RBM38: variants seen among roughly 807,000 people sequenced by gnomAD.
The protein encoded by RBM38 is RNA-binding protein 38.
RBM38 carries 11 observed loss-of-function variants against 23.5 expected under a neutral mutation model. The ratio of observed to expected loss-of-function variants is 0.47; its 90% CI spans 0.29 to 0.77. The LOEUF (loss-of-function observed/expected upper bound fraction) is 0.77. Ranked by LOEUF, RBM38 falls within the 30% of genes least tolerant of loss-of-function variation. The probability of loss-of-function intolerance (pLI) is 0.08; values close to 1 mark genes in which losing one functional copy is unlikely to be tolerated. For synonymous variants in RBM38, 165 were observed against 166.1 expected, an observed-to-expected ratio of 0.99 and a Z score of 0.05; for missense variants, 330 against 351.9, an observed-to-expected ratio of 0.94 and a Z score of 0.50.
intron 2 of RBM38, 28 bp from the exon 3 acceptor site, chr20:57,393,251 C>G (rs2067239572): frequency 6.2e-7 from 1 of 1,612,012 alleles, no homozygotes; most frequent in Non-Finnish European, 8.5e-7. Flanking sequence ...GCAGCAAGGC[C>G]AAGTCCCTGA....
In RBM38 at chr20:57,408,739, A is replaced by C. The variant is rs1176660076; in HGVS notation, c.*893A>C. Reference sequence around the variant, plus strand: ...GAGGCCCCTCAGGCCCGTGCGGGCCACTGTCTGCTGCCGCCTGCCGGGGTG... The same window carrying C: ...GAGGCCCCTCAGGCCCGTGCGGGCCCCTGTCTGCTGCCGCCTGCCGGGGTG... On this transcript the variant is annotated 3_prime_UTR_variant, in exon 4 of 4. Coordinates refer to ENST00000356208, the MANE Select transcript of RBM38 (RefSeq NM_017495.6). The C allele has an allele frequency of 1.3e-5, 2 of 152,158 alleles. No individual in the cohort carries two copies. The highest frequency in any genetic ancestry group is 3.9e-4 in the East Asian group (2 of 5,170). 9.4% of individuals were successfully genotyped at this position (152,158 alleles called of 1,614,324 possible).
In RBM38 at chr20:57,407,292, G is replaced by T. The variant is rs1457785972; in HGVS notation, c.417-251G>T. Among the ~76,000 whole-genome samples the T allele has an allele frequency of 2.0e-5, 3 of 152,214 alleles. No individual in the cohort carries two copies. The highest frequency in any genetic ancestry group is 4.8e-5 in the African/African-American group (2 of 41,466). ...TGGGGTGTAGGGCTGGGATGCGGGG[G>T]TGCAGTCTGGGAAGGCCTTGCTGAG... is the stretch of plus-strand genomic sequence containing the variant. On this transcript the variant is annotated intron_variant, in intron 3 of 3. Coordinates refer to ENST00000356208, the MANE Select transcript of RBM38 (RefSeq NM_017495.6). The surrounding 1 kb of genome is among the most constrained non-coding windows in gnomAD (Gnocchi z 4.0).
At chr20:57,403,009 T>C (rs1454432859) in intron 3 of RBM38, among the ~76,000 whole-genome samples, 3 of 152,234 alleles carry the variant, frequency 2.0e-5, no homozygotes, top group Non-Finnish European at 4.4e-5. Context: ...TCGTTCTTTG[T>C]TGTGGGGGCA....
intron 3 of RBM38, among the ~76,000 whole-genome samples, chr20:57,397,886 C>T (rs765983527): frequency 2.0e-5 from 3 of 152,270 alleles, no homozygotes; most frequent in African/African-American, 4.8e-5. Context: ...AGGAAGCTGG[C>T]GGAATGAGTG....
intron 3 of RBM38, among the ~76,000 whole-genome samples, chr20:57,405,502 C>T (rs901963320): frequency 2.0e-5 from 3 of 152,190 alleles, no homozygotes; most frequent in East Asian, 1.9e-4. Flanking sequence ...GAGGGTTGGC[C>T]GTGTGGGCTG....
At chr20:57,406,969 G>A (rs2067391229) in intron 3 of RBM38, among the ~76,000 whole-genome samples, 1 of 151,316 alleles carries the variant, frequency 6.6e-6, no homozygotes, top group African/African-American at 2.4e-5. Context: ...ACTCCAGCCT[G>A]GGGAACAGAG....
chr20:57,391,848 C>T (rs117963839), intron 1 of RBM38, 30 bp downstream of exon 1: 259,318 of 1,484,594 alleles, frequency 0.17, 24,184 homozygotes, highest in Middle Eastern at 0.2. Flanking sequence ...GGGCCCGCAC[C>T]CCGCCGCACA....
chr20:57,398,242 G>C (rs1438717375), intron 3 of RBM38, among the ~76,000 whole-genome samples: 1 of 137,222 alleles, frequency 7.3e-6, no homozygotes, highest in Non-Finnish European at 1.5e-5. Flanking sequence ...CTGTTTGCAG[G>C]TGATGGCGTG....
chr20:57,395,891 C>G (rs1321422745), intron 3 of RBM38, among the ~76,000 whole-genome samples: 2 of 152,212 alleles, frequency 1.3e-5, no homozygotes, highest in African/African-American at 4.8e-5. Flanking sequence ...CTGGCAGCGA[C>G]TTGCTGTTGG....
intron 3 of RBM38, among the ~76,000 whole-genome samples, chr20:57,396,821 T>C (rs1270946867): frequency 6.6e-6 from 1 of 152,164 alleles, no homozygotes; most frequent in Non-Finnish European, 1.5e-5. Context: ...GGTCACAAGA[T>C]GACTGCCACG....
intron 3 of RBM38, among the ~76,000 whole-genome samples, chr20:57,393,820 A>G (rs939769503): frequency 6.6e-6 from 1 of 152,178 alleles, no homozygotes; most frequent in African/African-American, 2.4e-5. Context: ...ACGTTGCTGT[A>G]GATACGATGT....
rs768408335 is a variant in RBM38, at chr20:57,408,263, G to A, written c.*417G>A. ...CTGTGCAGAGATGCCTGACTCCAGG[G>A]AAACCTGAAAGCAAGAAGTTAATGG... On this transcript the variant is annotated 3_prime_UTR_variant, in exon 4 of 4. Coordinates refer to ENST00000356208, the MANE Select transcript of RBM38 (RefSeq NM_017495.6). The A allele has an allele frequency of 1.3e-5, 3 of 239,828 alleles. No individual in the cohort carries two copies. The highest frequency in any genetic ancestry group is 2.2e-5 in the African/African-American group (1 of 45,596). 14.9% of individuals were successfully genotyped at this position (239,828 alleles called of 1,614,324 possible).
In RBM38 at chr20:57,391,439, G is replaced by GGCGCGCACGGCGGGAGCGGCGCAGC. The variant is rs1252432992; in HGVS notation, c.-143_-142insGCGCGCACGGCGGGAGCGGCGCAGC. ...CGGTCGGGAGCGCAGCGCGGCGCAC[G>GGCGCGCACGGCGGGAGCGGCGCAGC]TCGGCGCGCACGGCGGGACGGGCGC... On this transcript the variant is annotated 5_prime_UTR_variant, in exon 1 of 4. Transcript: ENST00000356208. 2.0e-5 allele frequency: 3 copies of GGCGCGCACGGCGGGAGCGGCGCAGC among 150,232 alleles called. No individual in the cohort carries two copies. The highest frequency in any genetic ancestry group is 7.3e-5 in the African/African-American group (3 of 40,890). 9.3% of individuals were successfully genotyped at this position (150,232 alleles called of 1,614,324 possible).
intron 3 of RBM38, among the ~76,000 whole-genome samples, chr20:57,402,365 C>G (rs2067337371): frequency 2.0e-5 from 3 of 152,142 alleles, no homozygotes; most frequent in African/African-American, 4.8e-5. Context: ...GAGGGAGGAT[C>G]GGAGAATTGA....
intron 3 of RBM38, chr20:57,399,989 G>A (rs1354142424): frequency 4.4e-6 from 2 of 456,172 alleles, no homozygotes; most frequent in Admixed American, 2.3e-5. Context: ...TTCGCTGCGA[G>A]TTCTGCTTTG....
chr20:57,398,994 TGC>T (rs2067301649), intron 3 of RBM38, among the ~76,000 whole-genome samples: 1 of 152,206 alleles, frequency 6.6e-6, no homozygotes, highest in Non-Finnish European at 1.5e-5. Context: ...GCTTGCTTTG[TGC>T]CAGGCTGGGG....
chr20:57,392,924 C>G, intron 2 of RBM38, 147 bp downstream of exon 2: 1 of 1,116,770 alleles, frequency 9.0e-7, no homozygotes, highest in Non-Finnish European at 1.3e-6. Context: ...GGCAGCCATC[C>G]CCCCCTCGAG....
intron 3 of RBM38, among the ~76,000 whole-genome samples, chr20:57,393,860 G>A (rs183330625): frequency 1.3e-5 from 2 of 152,262 alleles, no homozygotes; most frequent in East Asian, 3.9e-4. Flanking sequence ...TGCCTGAGTG[G>A]CCTGGCCTAT....
At chr20:57,400,827 C>T (rs6025530) in intron 3 of RBM38, among the ~76,000 whole-genome samples, 14,741 of 152,088 alleles carry the variant, frequency 0.097, 2,290 homozygotes, top group African/African-American at 0.33. Context: ...GTTCTGAGGC[C>T]GGAACTTGGA....
Sources: allele counts gnomAD v4.1 joint callset (sites outside exome capture counted in the v4.1 genomes callset), GRCh38; gene constraint gnomAD v4.1.1; non-coding constraint Gnocchi (gnomAD v3.1); transcripts MANE v1.5; gene names NCBI Gene and HGNC (gene_info 2026-07-23, HGNC 2026-07-21).